The following DOCK3 variants were observed in gnomAD, a reference collection of about 807,000 sequenced individuals.
The protein encoded by DOCK3 is dedicator of cytokinesis protein 3.
A neutral mutation model predicts 265.6 loss-of-function variants in DOCK3; 60 were observed. The ratio of observed to expected loss-of-function variants is 0.23; its 90% CI spans 0.18 to 0.28. The LOEUF (loss-of-function observed/expected upper bound fraction) is 0.28. DOCK3 is among the 10% of genes least tolerant of loss of function. DOCK3 has a pLI of 1.00. For synonymous variants in DOCK3, 881 were observed against 938.0 expected (o/e 0.94, Z 1.11); for missense variants, 1,981 against 2,594.3 (o/e 0.76, Z 5.14).
intron 3 of DOCK3, among the ~76,000 whole-genome samples, chr3:50,879,966 G>A (rs1336773383): frequency 2.6e-5 from 4 of 152,142 alleles, no homozygotes; most frequent in Non-Finnish European, 5.9e-5. Flanking sequence ...TAGAACTCAG[G>A]ATTAAGAAAC....
At chr3:51,143,268 T>C in intron 9 of DOCK3, among the ~76,000 whole-genome samples, 1 of 2,060 alleles carries the variant, frequency 4.9e-4, no homozygotes, top group South Asian at 0.014. Flanking sequence ...TGTTTTTTTT[T>C]TTTATGTGTG....
intron 1 of DOCK3, among the ~76,000 whole-genome samples, chr3:50,713,258 C>T (rs1242937102): frequency 1.3e-5 from 2 of 152,176 alleles, no homozygotes; most frequent in Non-Finnish European, 2.9e-5. Flanking sequence ...CTTTATTTTT[C>T]TCCAGGGGTA....
At chr3:50,855,388 T>G (rs1253161685) in intron 3 of DOCK3, among the ~76,000 whole-genome samples, 2 of 123,710 alleles carry the variant, frequency 1.6e-5, no homozygotes, top group Non-Finnish European at 3.9e-5. Flanking sequence ...TATGTTGTGT[T>G]GTGTTGTGTT....
intron 5 of DOCK3, among the ~76,000 whole-genome samples, chr3:50,996,909 G>C (rs1422357177): frequency 6.6e-6 from 1 of 152,154 alleles, no homozygotes; most frequent in Non-Finnish European, 1.5e-5. Flanking sequence ...ATTTGCTGAA[G>C]TACTAACCTG....
chr3:51,318,365 C>G (rs1407648402), intron 32 of DOCK3, among the ~76,000 whole-genome samples: 1 of 152,046 alleles, frequency 6.6e-6, no homozygotes, highest in Non-Finnish European at 1.5e-5. Flanking sequence ...GGCAACAGAG[C>G]AAGACTCTGT....
At chr3:51,155,861 A>G (rs2085823533) in intron 10 of DOCK3, among the ~76,000 whole-genome samples, 2 of 152,210 alleles carry the variant, frequency 1.3e-5, no homozygotes, top group African/African-American at 4.8e-5. Context: ...TTAGATATTC[A>G]GGACCTCATA....
intron 23 of DOCK3, among the ~76,000 whole-genome samples, chr3:51,262,120 G>T (rs1274032513): frequency 1.3e-5 from 2 of 152,228 alleles, no homozygotes; most frequent in Non-Finnish European, 2.9e-5. Context: ...TCCTGACTGG[G>T]AGACATCTCC....
chr3:51,119,409 A>C (rs536536305), intron 9 of DOCK3, among the ~76,000 whole-genome samples: 145 of 152,040 alleles, frequency 9.5e-4, no homozygotes, highest in Non-Finnish European at 1.6e-3. Flanking sequence ...TTTTTCCTTC[A>C]TTTCAACCTT....
At chr3:50,699,034 A>G (rs751557115) in intron 1 of DOCK3, among the ~76,000 whole-genome samples, 6 of 152,214 alleles carry the variant, frequency 3.9e-5, no homozygotes, top group Non-Finnish European at 8.8e-5. Context: ...TGGCGTATCA[A>G]GGAAATCAGG....
intron 2 of DOCK3, among the ~76,000 whole-genome samples, chr3:50,781,684 C>T: frequency 6.6e-6 from 1 of 152,040 alleles, no homozygotes; most frequent in East Asian, 1.9e-4. Flanking sequence ...TATTGGTAAA[C>T]TCATGTCACA....
rs1357152167 is a variant in DOCK3 at position 50,787,595 on chromosome 3, CT to C, written c.121+8839del. ...TCACACTTAGCTTTCTGCACTGGTG[CT>C]TCAGGCTCCTTTGTTTCCCGCTTCT... On this transcript the variant is annotated intron_variant, in intron 2 of 52. Coordinates refer to ENST00000266037, the MANE Select transcript of DOCK3 (RefSeq NM_004947.5). 6.3e-6 allele frequency: 7 copies of C among 1,118,780 alleles called. No individual in the cohort carries two copies. The African/African-American group carries it at 9.2e-5, about 15-fold the overall frequency. 69.3% of individuals were successfully genotyped at this position (1,118,780 alleles called of 1,614,324 possible). A position where few individuals can be genotyped will look rare whatever the true frequency, so the allele number is the denominator to read the frequency against.
At chr3:51,107,007 C>A (rs1238545163) in intron 9 of DOCK3, among the ~76,000 whole-genome samples, 1 of 152,214 alleles carries the variant, frequency 6.6e-6, no homozygotes, top group Non-Finnish European at 1.5e-5. Flanking sequence ...TCCAGTGCAG[C>A]AGATTCCTAA....
intron 7 of DOCK3, among the ~76,000 whole-genome samples, chr3:51,086,352 GCATCATGGC>G (rs1212972122): frequency 6.6e-6 from 1 of 152,168 alleles, no homozygotes; most frequent in Admixed American, 6.5e-5. Flanking sequence ...TCCAGTGTGG[GCATCATGGC>G]CATCATGAAC....
At chr3:50,761,089 A>AT (rs1278974079) in intron 1 of DOCK3, among the ~76,000 whole-genome samples, 1 of 149,524 alleles carries the variant, frequency 6.7e-6, no homozygotes, top group Non-Finnish European at 1.5e-5. Context: ...TGGATTCTTT[A>AT]TTAAAAAAAA....
At chr3:51,056,288 C>T (rs1240003891) in intron 5 of DOCK3, among the ~76,000 whole-genome samples, 1 of 152,004 alleles carries the variant, frequency 6.6e-6, no homozygotes, top group Non-Finnish European at 1.5e-5. Context: ...TCGCTCTGTT[C>T]CCCAGGCTGG....
chr3:51,338,286 T>G, intron 35 of DOCK3, 73 bp from the exon 36 acceptor site: 1 of 1,510,618 alleles, frequency 6.6e-7, no homozygotes, highest in Non-Finnish European at 9.0e-7. Context: ...AATGCCCCAG[T>G]GATAGTACAG....
intron 12 of DOCK3, among the ~76,000 whole-genome samples, chr3:51,179,728 T>C (rs991485670): frequency 6.6e-6 from 1 of 151,562 alleles, no homozygotes; most frequent in African/African-American, 2.4e-5. Context: ...CTGGGCAACA[T>C]AGTGAGGATC....
chr3:51,182,406 C>G (rs563391098), intron 12 of DOCK3, among the ~76,000 whole-genome samples: 6 of 152,284 alleles, frequency 3.9e-5, no homozygotes, highest in African/African-American at 1.4e-4. Context: ...CCATAATACT[C>G]TAAGGTATCA....
chr3:50,783,724 C>CT (rs1371904537), intron 2 of DOCK3, among the ~76,000 whole-genome samples: 1 of 152,082 alleles, frequency 6.6e-6, no homozygotes, highest in East Asian at 1.9e-4. Flanking sequence ...ATCCATTTAT[C>CT]TTTGTTTTTG....
Sources: gnomAD v4.1 joint callset for allele counts (sites outside exome capture counted in the v4.1 genomes callset) on GRCh38, gnomAD v4.1.1 for gene constraint, MANE v1.5 for transcripts, NCBI Gene and HGNC (gene_info 2026-07-23, HGNC 2026-07-21) for gene names.